DTNBP1: variants seen among roughly 807,000 people sequenced by gnomAD.
The protein encoded by DTNBP1 is dystrobrevin binding protein 1, also known as dysbindin.
Under a neutral mutation model 42.8 loss-of-function variants are expected in DTNBP1, and 35 were observed. The observed-to-expected ratio is 0.82, with a 90% CI of 0.63 to 1.09. DTNBP1 has a LOEUF of 1.09. Ranked by LOEUF, DTNBP1 falls within the 50% of genes least tolerant of loss-of-function variation. The pLI, the probability that DTNBP1 is intolerant of heterozygous loss-of-function variation, is 0.00. For missense variants in DTNBP1, 457 were observed against 424.2 expected (o/e 1.08, Z -0.68); for synonymous variants, 171 against 162.2 (o/e 1.05, Z -0.41).
intron 6 of DTNBP1, among the ~76,000 whole-genome samples, chr6:15,611,669 G>C (rs924494926): frequency 6.6e-6 from 1 of 152,192 alleles, no homozygotes; most frequent in African/African-American, 2.4e-5. Flanking sequence ...CAAGAATTTT[G>C]AAGAAGTGGA....
intron 7 of DTNBP1, among the ~76,000 whole-genome samples, chr6:15,540,743 G>A (rs1359603539): frequency 3.9e-5 from 6 of 152,048 alleles, no homozygotes; most frequent in Non-Finnish European, 7.3e-5. Context: ...CCAGGTTCAC[G>A]CCATTCTCCT....
intron 7 of DTNBP1, among the ~76,000 whole-genome samples, chr6:15,592,086 A>G (rs1314556121): frequency 6.6e-6 from 1 of 152,222 alleles, no homozygotes; most frequent in Non-Finnish European, 1.5e-5. Context: ...GCTGTTCAAT[A>G]ATAGCTATAG....
intron 7 of DTNBP1, among the ~76,000 whole-genome samples, chr6:15,585,247 T>C (rs978007305): frequency 1.3e-5 from 2 of 151,482 alleles, no homozygotes; most frequent in African/African-American, 4.8e-5. Flanking sequence ...TATTTAACTC[T>C]ATTAACTGCC....
intron 6 of DTNBP1, among the ~76,000 whole-genome samples, chr6:15,609,295 T>C (rs1391007472): frequency 6.6e-6 from 1 of 152,024 alleles, no homozygotes. Flanking sequence ...GATGTTCCCA[T>C]ATATCTGAAG....
chr6:15,540,096 A>G (rs1197443735), intron 7 of DTNBP1, among the ~76,000 whole-genome samples: 3 of 152,220 alleles, frequency 2.0e-5, no homozygotes, highest in Non-Finnish European at 2.9e-5. Flanking sequence ...CTCACTATGC[A>G]CTGAAAATCA....
chr6:15,575,391 G>A (rs1020240144), intron 7 of DTNBP1, among the ~76,000 whole-genome samples: 4 of 152,158 alleles, frequency 2.6e-5, no homozygotes, highest in South Asian at 2.1e-4. Flanking sequence ...TCCCTACCAC[G>A]TTGCCACCAT....
chr6:15,594,451 C>T (rs1218769488), intron 6 of DTNBP1, among the ~76,000 whole-genome samples: 1 of 147,444 alleles, frequency 6.8e-6, no homozygotes, highest in Non-Finnish European at 1.5e-5. Flanking sequence ...GGTGACAGAG[C>T]GAGACTCTGT....
At chr6:15,582,154 G>A (rs1457348267) in intron 7 of DTNBP1, among the ~76,000 whole-genome samples, 1 of 152,140 alleles carries the variant, frequency 6.6e-6, no homozygotes, top group South Asian at 2.1e-4. Context: ...TGGGGGAAAG[G>A]GACTGGATAT....
At chr6:15,656,940 C>T (rs140629878) in intron 1 of DTNBP1, among the ~76,000 whole-genome samples, 1 of 152,146 alleles carries the variant, frequency 6.6e-6, no homozygotes, top group Non-Finnish European at 1.5e-5. Flanking sequence ...TAAAGCACCA[C>T]AGAAATGTAT....
chr6:15,529,330 A>G lies in DTNBP1; in HGVS notation c.667+3910T>C, dbSNP rs201274808. 2.6e-5 allele frequency among the ~76,000 whole-genome samples: 4 copies of G among 152,150 alleles called. No homozygotes were observed. The East Asian group carries it at 7.7e-4, about 29-fold the overall frequency. On this transcript the variant is annotated intron_variant, in intron 8 of 9. Transcript: ENST00000344537. ...GGCATTGTTTTTATTAAATAAGAAA[A>G]CTGGAAACACCCATCAATACATCAA...
rs966562294 is a variant in DTNBP1, at chr6:15,602,867, T to A, written c.489-9786A>T. On this transcript the variant is annotated intron_variant, in intron 6 of 9. Transcript: ENST00000344537. ...CTTGAACCCCAGCGTGTCATTTGCA[T>A]AACTGGAGGAAAGAGATAACGAAAA... 2.7e-4 allele frequency among the ~76,000 whole-genome samples: 41 copies of A among 152,362 alleles called. 1 individual carries two copies. Among genetic ancestry groups the A allele is most frequent in the African/African-American group, 8.9e-4 (37 of 41,584 alleles).
Position 15,615,310 on chromosome 6 carries a change from GT to G in DTNBP1, c.444del (p.Lys148AsnfsTer26). Reference sequence around the variant, plus strand: ...TTCTCCAGTTGCTGGGACTGCATATGTTTGCATCTTTCTAATTCACACTGCC... The same window carrying G: ...TTCTCCAGTTGCTGGGACTGCATATGTTGCATCTTTCTAATTCACACTGCC... ...LCGQCELERC[K>X]HMQSQQLENY... On this transcript the variant is annotated frameshift_variant, in exon 6 of 10. Transcript: ENST00000344537. LOFTEE classifies it high-confidence loss of function. The G allele has an allele frequency of 6.2e-7, 1 of 1,614,136 alleles. No individual in the cohort carries two copies.
At chr6:15,598,027 G>A (rs1419261271) in intron 6 of DTNBP1, among the ~76,000 whole-genome samples, 1 of 152,080 alleles carries the variant, frequency 6.6e-6, no homozygotes, top group Non-Finnish European at 1.5e-5. Context: ...ACTCAATTCA[G>A]CTAATGCCTT....
At chr6:15,643,576 G>C (rs1448540816) in intron 3 of DTNBP1, among the ~76,000 whole-genome samples, 2 of 152,050 alleles carry the variant, frequency 1.3e-5, no homozygotes, top group Admixed American at 1.3e-4. Context: ...AACCCATCAG[G>C]CTAACAGTGG....
At chr6:15,604,636 G>A (rs1033107415) in intron 6 of DTNBP1, among the ~76,000 whole-genome samples, 8 of 152,052 alleles carry the variant, frequency 5.3e-5, no homozygotes, top group African/African-American at 1.7e-4. Context: ...TTAGTCTCTA[G>A]AACATACACT....
intron 1 of DTNBP1, among the ~76,000 whole-genome samples, chr6:15,661,040 G>A (rs981925389): frequency 1.3e-5 from 2 of 152,182 alleles, no homozygotes; most frequent in African/African-American, 4.8e-5. Context: ...GACTCCGAGC[G>A]TCCATAACTT....
rs1398834193 is a variant in DTNBP1 at position 15,572,801 on chromosome 6, G to A, written c.511+20258C>T. Reference sequence around the variant, plus strand: ...GGCTGGAGGGCAGTGATGTGATCGTGGCTCACTGCACCTTCAACCTCCCTG... The same window carrying A: ...GGCTGGAGGGCAGTGATGTGATCGTAGCTCACTGCACCTTCAACCTCCCTG... On this transcript the variant is annotated intron_variant, in intron 7 of 9. Coordinates refer to ENST00000344537, the MANE Select transcript of DTNBP1 (RefSeq NM_032122.5). 2.0e-5 allele frequency among the ~76,000 whole-genome samples: 3 copies of A among 152,150 alleles called. No homozygotes were observed. The East Asian group carries it at 5.8e-4, about 29-fold the overall frequency.
At chr6:15,617,506 T>C (rs1402577019) in intron 5 of DTNBP1, among the ~76,000 whole-genome samples, 1 of 151,962 alleles carries the variant, frequency 6.6e-6, no homozygotes, top group Non-Finnish European at 1.5e-5. Context: ...AACAGCATGA[T>C]GCTAGCATAA....
intron 8 of DTNBP1, among the ~76,000 whole-genome samples, chr6:15,526,952 A>T (rs540678468): frequency 6.6e-6 from 1 of 152,366 alleles, no homozygotes; most frequent in South Asian, 2.1e-4. Flanking sequence ...TTAAGAGATT[A>T]TACAACTAAA....
Sources: gnomAD v4.1 joint callset for allele counts (sites outside exome capture counted in the v4.1 genomes callset) on GRCh38, gnomAD v4.1.1 for gene constraint, MANE v1.5 for transcripts, NCBI Gene and HGNC (gene_info 2026-07-23, HGNC 2026-07-21) for gene names.